The following MTHFD2L variants were observed in gnomAD, a reference collection of about 807,000 sequenced individuals.
The protein encoded by MTHFD2L is bifunctional methylenetetrahydrofolate dehydrogenase/cyclohydrolase 2, mitochondrial.
A neutral mutation model predicts 34.9 loss-of-function variants in MTHFD2L; 29 were observed. The ratio of observed to expected loss-of-function variants is 0.83; its 90% CI spans 0.62 to 1.13. MTHFD2L has a LOEUF of 1.13. MTHFD2L is among the 50% of genes most tolerant of loss of function. The pLI, the probability that MTHFD2L is intolerant of heterozygous loss-of-function variation, is 0.00. For synonymous variants in MTHFD2L, 167 were observed against 155.7 expected, an observed-to-expected ratio of 1.07 and a Z score of -0.54; for missense variants, 481 against 446.5, an observed-to-expected ratio of 1.08 and a Z score of -0.70.
chr4:74,272,041 A>G (rs1160958381), intron 6 of MTHFD2L, among the ~76,000 whole-genome samples: 1 of 152,182 alleles, frequency 6.6e-6, no homozygotes, highest in African/African-American at 2.4e-5. Flanking sequence ...TTTACCCACA[A>G]AAATTCTGGC....
At chr4:74,267,440 C>A in intron 6 of MTHFD2L, 1 of 285,834 alleles carries the variant, frequency 3.5e-6, no homozygotes, top group Non-Finnish European at 5.1e-6. Context: ...CAGCATATCA[C>A]TTTGTTGCCT....
intron 1 of MTHFD2L, among the ~76,000 whole-genome samples, chr4:74,126,611 A>T (rs1168506723): frequency 6.6e-6 from 1 of 151,960 alleles, no homozygotes; most frequent in African/African-American, 2.4e-5. Flanking sequence ...TGCAACTTTA[A>T]AGTTTATTAC....
At chr4:74,132,154 A>G (rs1722560899) in intron 1 of MTHFD2L, among the ~76,000 whole-genome samples, 1 of 152,222 alleles carries the variant, frequency 6.6e-6, no homozygotes, top group Non-Finnish European at 1.5e-5. Context: ...AGAATAAATT[A>G]GTTCAGCCAT....
At chr4:74,298,741 C>CT (rs1749932290) in intron 7 of MTHFD2L, among the ~76,000 whole-genome samples, 1 of 149,992 alleles carries the variant, frequency 6.7e-6, no homozygotes. Context: ...CTCTTCATTT[C>CT]TTTTTTCCAG....
At chr4:74,121,550 T>C (rs967268352), upstream of MTHFD2L, among the ~76,000 whole-genome samples, 8 of 149,026 alleles carry the variant, frequency 5.4e-5, no homozygotes, top group African/African-American at 1.5e-4. Flanking sequence ...AGCTTAGGGC[T>C]CTCACTGATT....
At chr4:74,295,678 C>G (rs1427721217) in intron 7 of MTHFD2L, among the ~76,000 whole-genome samples, 2 of 152,050 alleles carry the variant, frequency 1.3e-5, no homozygotes, top group African/African-American at 4.8e-5. Flanking sequence ...TTTCTATGAG[C>G]CTCTACATAA....
intron 6 of MTHFD2L, among the ~76,000 whole-genome samples, chr4:74,254,828 A>T (rs1363013936): frequency 6.5e-5 from 1 of 15,412 alleles, no homozygotes. Flanking sequence ...AAGTAAAAGT[A>T]ATTAGCTGCA....
At chr4:74,152,748 C>T (rs775417273) in intron 1 of MTHFD2L, among the ~76,000 whole-genome samples, 3 of 152,074 alleles carry the variant, frequency 2.0e-5, no homozygotes, top group East Asian at 1.9e-4. Context: ...TCGTTCAACT[C>T]GCGCTTATGC....
chr4:74,201,683 A>G (rs1734465940), intron 5 of MTHFD2L, among the ~76,000 whole-genome samples: 1 of 151,948 alleles, frequency 6.6e-6, no homozygotes, highest in Non-Finnish European at 1.5e-5. Context: ...AATACAAAAC[A>G]AGACATCTCT....
rs190057670 is a variant in MTHFD2L, at chr4:74,215,362, G to A, written c.713-9940G>A. Among the ~76,000 whole-genome samples the A allele has an allele frequency of 1.2e-3, 180 of 151,946 alleles. 6 individuals are homozygous for A. Among genetic ancestry groups the A allele is most frequent in the African/African-American group, 4.3e-3 (177 of 41,214 alleles). On this transcript the variant is annotated intron_variant, in intron 5 of 7. Transcript: ENST00000325278. The stretch of plus-strand genomic sequence containing the variant: ...GGGAATCTCCTGGTCTGCAGGTTGC[G>A]AAGACTGTGGGAAAAGCGTAGTATC...
intron 5 of MTHFD2L, among the ~76,000 whole-genome samples, chr4:74,207,286 C>A (rs1436948020): frequency 6.6e-6 from 1 of 152,156 alleles, no homozygotes; most frequent in African/African-American, 2.4e-5. Context: ...CCCTAATCAG[C>A]CACAACATGG....
chr4:74,191,712 A>G (rs1404720684), intron 3 of MTHFD2L, among the ~76,000 whole-genome samples: 2 of 151,704 alleles, frequency 1.3e-5, no homozygotes, highest in African/African-American at 2.4e-5. Flanking sequence ...CACCACGCCC[A>G]GGTAATTTTT....
upstream of MTHFD2L, chr4:74,157,831 T>G: frequency 1.8e-6 from 1 of 569,126 alleles, no homozygotes; most frequent in Non-Finnish European, 3.3e-6. Flanking sequence ...GCCGTCGCTA[T>G]GGGAATGCCA....
intron 6 of MTHFD2L, among the ~76,000 whole-genome samples, chr4:74,255,136 C>CAAAAAAAA (rs34300013): frequency 3.5e-4 from 24 of 69,178 alleles, no homozygotes; most frequent in East Asian, 9.4e-4. Context: ...ACTCCATCTC[C>CAAAAAAAA]AAAAAAAAAA....
intron 5 of MTHFD2L, 143 bp from the exon 6 acceptor site, chr4:74,225,159 T>C (rs1738940947): frequency 1.5e-6 from 1 of 647,794 alleles, no homozygotes; most frequent in African/African-American, 1.9e-5. Flanking sequence ...TTTTCTTGTA[T>C]AGCTTTTGTG....
intron 5 of MTHFD2L, among the ~76,000 whole-genome samples, chr4:74,204,040 A>G (rs925585068): frequency 6.6e-6 from 1 of 151,904 alleles, no homozygotes; most frequent in Non-Finnish European, 1.5e-5. Flanking sequence ...TGTTATTCCC[A>G]TTTTACAGCT....
chr4:74,216,026 G>C (rs1344115508), intron 5 of MTHFD2L, among the ~76,000 whole-genome samples: 2 of 151,344 alleles, frequency 1.3e-5, no homozygotes, highest in African/African-American at 4.9e-5. Flanking sequence ...AGAAACATGT[G>C]CTCAATAAAA....
chr4:74,223,250 C>T (rs1423427135), intron 5 of MTHFD2L, among the ~76,000 whole-genome samples: 2 of 151,448 alleles, frequency 1.3e-5, no homozygotes, highest in African/African-American at 4.8e-5. Context: ...ACACTACATA[C>T]ACACACACAC....
chr4:74,206,187 AT>A (rs200003356), intron 5 of MTHFD2L, among the ~76,000 whole-genome samples: 2,319 of 151,824 alleles, frequency 0.015, 28 homozygotes, highest in Non-Finnish European at 0.026. Flanking sequence ...AACTCCTTTG[AT>A]TTGGGGCAGG....
Sources: gnomAD v4.1 joint callset for allele counts (sites outside exome capture counted in the v4.1 genomes callset) on GRCh38, gnomAD v4.1.1 for gene constraint, MANE v1.5 for transcripts, NCBI Gene and HGNC (gene_info 2026-07-23, HGNC 2026-07-21) for gene names.